The following DENND1A variants were observed in gnomAD, a reference collection of about 807,000 sequenced individuals.
The protein encoded by DENND1A is DENN domain-containing protein 1A.
Under a neutral mutation model 113.7 loss-of-function variants are expected in DENND1A, and 51 were observed. That is an observed-to-expected ratio of 0.45 (90% CI 0.36 to 0.57). The LOEUF is 0.57. Ranked by LOEUF, DENND1A falls within the 20% of genes least tolerant of loss-of-function variation. DENND1A has a pLI of 0.00. For synonymous variants in DENND1A, 565 were observed against 570.8 expected, an observed-to-expected ratio of 0.99 and a Z score of 0.14; for missense variants, 1,258 against 1,395.9, an observed-to-expected ratio of 0.90 and a Z score of 1.57.
chr9:123,635,743 T>G (rs780835888), intron 9 of DENND1A, among the ~76,000 whole-genome samples: 10 of 152,202 alleles, frequency 6.6e-5, no homozygotes, highest in Non-Finnish European at 1.2e-4. Context: ...GTAATTATTA[T>G]TAGTCAAAGA....
Position 123,796,409 on chromosome 9 carries a change from C to A in DENND1A, c.89-3779G>T, listed in dbSNP as rs557208341. ...TTCACAGCAGGAAAAAACTGATCTC[C>A]TAAACAAACATGTCTAACATTTTTT... On this transcript the variant is annotated intron_variant, in intron 2 of 23. Transcript: ENST00000394215. Among the ~76,000 whole-genome samples, 3 of 152,268 alleles carry A rather than the reference C, an allele frequency of 2.0e-5. No homozygotes were observed. The East Asian group carries it at 5.8e-4, about 29-fold the overall frequency.
At chr9:123,705,132 G>A (rs1265956824) in intron 5 of DENND1A, among the ~76,000 whole-genome samples, 1 of 151,304 alleles carries the variant, frequency 6.6e-6, no homozygotes, top group Non-Finnish European at 1.5e-5. Flanking sequence ...GAACAAATAA[G>A]TGAATTAGTT....
intron 5 of DENND1A, among the ~76,000 whole-genome samples, chr9:123,710,560 C>CACACAT (rs60092060): frequency 1.3e-5 from 2 of 148,864 alleles, no homozygotes; most frequent in African/African-American, 2.5e-5. Flanking sequence ...CACACACACA[C>CACACAT]TGGCATCATA....
chr9:123,510,384 A>C (rs7039174), intron 13 of DENND1A, among the ~76,000 whole-genome samples: 1 of 152,278 alleles, frequency 6.6e-6, no homozygotes, highest in East Asian at 1.9e-4. Context: ...TGAGCACACA[A>C]GGACACATCC....
intron 13 of DENND1A, among the ~76,000 whole-genome samples, chr9:123,511,013 A>G (rs1207226951): frequency 6.6e-6 from 1 of 152,166 alleles, no homozygotes; most frequent in Non-Finnish European, 1.5e-5. Flanking sequence ...TTGCTTAGGA[A>G]AACACTGTGA....
At position 123,630,528 on chromosome 9, in the gene DENND1A, C is replaced by T. The variant is rs778549270; in HGVS notation, c.619-52G>A. 118 of 1,259,936 alleles carry T rather than the reference C, an allele frequency of 9.4e-5. 1 individual carries two copies. The highest frequency in any genetic ancestry group is 2.2e-4 in the East Asian group (8 of 36,516). 78.0% of individuals were successfully genotyped at this position (1,259,936 alleles called of 1,614,324 possible). A position where few individuals can be genotyped will look rare whatever the true frequency, so the allele number is the denominator to read the frequency against. On this transcript the variant is annotated intron_variant, in intron 9 of 23. Coordinates refer to ENST00000394215, the MANE Select transcript of DENND1A (RefSeq NM_001352964.2). The stretch of plus-strand genomic sequence containing the variant: ...TGAACAAATCCAAGGGAGGAGACAC[C>T]GCCATTTGATTTCAGCAATACAATT...
At chr9:123,643,869 A>G (rs1205408898) in intron 9 of DENND1A, among the ~76,000 whole-genome samples, 1 of 152,238 alleles carries the variant, frequency 6.6e-6, no homozygotes, top group African/African-American at 2.4e-5. Flanking sequence ...AATCTGAAGT[A>G]AAAAGCTTAG....
At chr9:123,433,835 C>G (rs529056143) in intron 19 of DENND1A, among the ~76,000 whole-genome samples, 1 of 152,164 alleles carries the variant, frequency 6.6e-6, no homozygotes, top group Non-Finnish European at 1.5e-5. Flanking sequence ...TGACTGCTTT[C>G]CCCACTGTGC....
intron 21 of DENND1A, among the ~76,000 whole-genome samples, chr9:123,391,093 G>A (rs182168095): frequency 1.3e-4 from 20 of 152,368 alleles, no homozygotes; most frequent in Admixed American, 5.2e-4. Context: ...ATGGTGGAGG[G>A]GGCTGGGGGC....
intron 13 of DENND1A, among the ~76,000 whole-genome samples, chr9:123,541,017 T>C (rs754339430): frequency 6.6e-6 from 1 of 152,224 alleles, no homozygotes; most frequent in Non-Finnish European, 1.5e-5. Context: ...GCTTTCTTTT[T>C]CTGCATAACA....
At chr9:123,632,566 G>C (rs1169628103) in intron 9 of DENND1A, among the ~76,000 whole-genome samples, 4 of 151,964 alleles carry the variant, frequency 2.6e-5, no homozygotes, top group African/African-American at 9.7e-5. Flanking sequence ...TCTTTAACTA[G>C]CTGCCAGAGC....
intron 3 of DENND1A, 106 bp from the exon 4 acceptor site, chr9:123,769,669 G>T: frequency 1.1e-6 from 1 of 899,144 alleles, no homozygotes. Context: ...AGAGGAGACA[G>T]ATGAAGAAAT....
Position 123,383,889 on chromosome 9 carries a change from CCT to C in DENND1A, c.1783_1784del (p.Arg595GlyfsTer29). The part of the protein sequence containing the change: ...FEWPQPYRTL[R>X]ESDSAEGDEA... ...CGTCGCCTTCCGCGCTGTCTGACTC[CCT>C]GAGTGTCCGATACGGCTGCGGCCTG... is the stretch of plus-strand genomic sequence containing the variant. On this transcript the variant is annotated frameshift_variant, in exon 23 of 24. Coordinates refer to ENST00000394215, the MANE Select transcript of DENND1A (RefSeq NM_001352964.2). LOFTEE classifies it high-confidence loss of function. The C allele has an allele frequency of 6.2e-7, 1 of 1,611,918 alleles. No individual in the cohort carries two copies. The highest frequency in any genetic ancestry group is 8.5e-7 in the Non-Finnish European group (1 of 1,179,808).
At chr9:123,414,442 A>C (rs2044558670) in intron 19 of DENND1A, 4 of 1,472,566 alleles carry the variant, frequency 2.7e-6, no homozygotes, top group Non-Finnish European at 3.6e-6. Flanking sequence ...AAATCATCTC[A>C]GTGGAAGGCC....
At chr9:123,412,126 C>A (rs1037974614) in intron 19 of DENND1A, among the ~76,000 whole-genome samples, 3 of 152,206 alleles carry the variant, frequency 2.0e-5, no homozygotes, top group African/African-American at 7.2e-5. Context: ...ATAGGGCGAG[C>A]CCACCCCCTC....
chr9:123,480,257 G>A (rs1463867929), intron 13 of DENND1A, among the ~76,000 whole-genome samples: 3 of 151,992 alleles, frequency 2.0e-5, no homozygotes, highest in South Asian at 2.1e-4. Flanking sequence ...CGACACTCCC[G>A]AGAGACCTCC....
chr9:123,707,937 G>A (rs755418355), intron 5 of DENND1A, among the ~76,000 whole-genome samples: 2 of 152,296 alleles, frequency 1.3e-5, no homozygotes, highest in Non-Finnish European at 2.9e-5. Context: ...TGATGGAATC[G>A]TGTCTTGAGT....
intron 13 of DENND1A, among the ~76,000 whole-genome samples, chr9:123,498,946 C>T (rs2052204951): frequency 6.6e-6 from 1 of 151,646 alleles, no homozygotes; most frequent in Non-Finnish European, 1.5e-5. Context: ...TGGTCTTGAA[C>T]TCCTGACCTC....
intron 13 of DENND1A, among the ~76,000 whole-genome samples, chr9:123,500,605 A>G (rs2052390783): frequency 6.6e-6 from 1 of 152,210 alleles, no homozygotes; most frequent in South Asian, 2.1e-4. Context: ...GGGTCACTTG[A>G]ACAGGCTTCT....
Sources: gnomAD v4.1 joint callset for allele counts (sites outside exome capture counted in the v4.1 genomes callset) on GRCh38, gnomAD v4.1.1 for gene constraint, MANE v1.5 for transcripts, NCBI Gene and HGNC (gene_info 2026-07-23, HGNC 2026-07-21) for gene names.